The following DENND4A variants were observed in gnomAD, a reference collection of about 807,000 sequenced individuals.
DENND4A encodes the protein DENN domain containing 4A, also known as C-myc promoter-binding protein.
In DENND4A, 70 loss-of-function variants were observed where a neutral mutation model predicts 199.3. That is an observed-to-expected ratio of 0.35 (90% confidence interval 0.29 to 0.43). The LOEUF (loss-of-function observed/expected upper bound fraction) is 0.43. Among genes scored for constraint, DENND4A ranks in the 20% least tolerant of loss-of-function variants. The probability of loss-of-function intolerance (pLI) is 1.00; values close to 1 mark genes in which losing one functional copy is unlikely to be tolerated. For missense variants in DENND4A, 1,723 were observed against 2,255.8 expected, an observed-to-expected ratio of 0.76 and a Z score of 4.78; for synonymous variants, 686 against 766.9, an observed-to-expected ratio of 0.89 and a Z score of 1.74.
chr15:65,717,584 A>G (rs941101763), intron 13 of DENND4A, among the ~76,000 whole-genome samples, 194 bp downstream of exon 13: 3 of 152,140 alleles, frequency 2.0e-5, no homozygotes, highest in Non-Finnish European at 4.4e-5. Context: ...CATATCTGCT[A>G]ATGGGATTAT....
At chr15:65,784,642 G>A (rs1941304774) in intron 1 of DENND4A, among the ~76,000 whole-genome samples, 2 of 152,140 alleles carry the variant, frequency 1.3e-5, no homozygotes, top group African/African-American at 2.4e-5. Context: ...GACAAAAACA[G>A]AAATACAGGT....
At chr15:65,771,799 C>T (rs559770100) in intron 1 of DENND4A, 21 of 1,613,566 alleles carry the variant, frequency 1.3e-5, no homozygotes, top group Admixed American at 1.7e-5. Context: ...TTCTTCATTG[C>T]CCGTGAGGTC....
At chr15:65,707,709 CAG>C (rs1466410431) in intron 14 of DENND4A, among the ~76,000 whole-genome samples, 1 of 147,806 alleles carries the variant, frequency 6.8e-6, no homozygotes, top group African/African-American at 2.5e-5. Flanking sequence ...TTTTTTGAGA[CAG>C]AGTCTTGCTC....
intron 1 of DENND4A, among the ~76,000 whole-genome samples, chr15:65,768,898 A>C (rs2077053615): frequency 6.6e-6 from 1 of 151,804 alleles, no homozygotes; most frequent in Non-Finnish European, 1.5e-5. Flanking sequence ...GGTGGCTGAG[A>C]CAGGAGAATT....
chr15:65,766,066 T>C (rs1413822842), intron 1 of DENND4A, among the ~76,000 whole-genome samples: 2 of 152,098 alleles, frequency 1.3e-5, no homozygotes, highest in Non-Finnish European at 2.9e-5. Flanking sequence ...CTGGCCAACA[T>C]AGTGAAACCC....
intron 11 of DENND4A, among the ~76,000 whole-genome samples, chr15:65,723,719 C>T (rs1278974859): frequency 6.6e-6 from 1 of 151,916 alleles, no homozygotes; most frequent in African/African-American, 2.4e-5. Flanking sequence ...AGTAAGGGAT[C>T]GATAACAATA....
intron 13 of DENND4A, among the ~76,000 whole-genome samples, chr15:65,716,536 AT>A (rs936573248): frequency 1.3e-5 from 2 of 151,314 alleles, no homozygotes; most frequent in Non-Finnish European, 2.9e-5. Flanking sequence ...GAGAATGATG[AT>A]TTGCAATTTC....
chr15:65,746,244 TC>T (rs1298281802), intron 4 of DENND4A, among the ~76,000 whole-genome samples: 2 of 152,032 alleles, frequency 1.3e-5, no homozygotes, highest in Non-Finnish European at 2.9e-5. Flanking sequence ...CTTTAAACTC[TC>T]TACCAATAAG....
intron 14 of DENND4A, among the ~76,000 whole-genome samples, chr15:65,712,214 A>G (rs1252074512): frequency 6.6e-6 from 1 of 152,206 alleles, no homozygotes; most frequent in Non-Finnish European, 1.5e-5. Context: ...TCATCCCTCA[A>G]GTGTTCTAAA....
At chr15:65,730,276 A>C (rs1281621166) in intron 9 of DENND4A, among the ~76,000 whole-genome samples, 1 of 152,172 alleles carries the variant, frequency 6.6e-6, no homozygotes, top group East Asian at 1.9e-4. Flanking sequence ...ATATAGTAAC[A>C]AAATACTGAA....
At chr15:65,745,634 A>T (rs2076367542) in intron 4 of DENND4A, among the ~76,000 whole-genome samples, 1 of 152,196 alleles carries the variant, frequency 6.6e-6, no homozygotes, top group Non-Finnish European at 1.5e-5. Context: ...TCTCTATTGG[A>T]AAGTCCCAAC....
chr15:65,733,399 G>T (rs1417232112), intron 7 of DENND4A, among the ~76,000 whole-genome samples: 1 of 151,952 alleles, frequency 6.6e-6, no homozygotes, highest in Non-Finnish European at 1.5e-5. Context: ...TTTCCTAGGG[G>T]GGAATAAGCT....
chr15:65,704,095 CA>C (rs1468294277), intron 15 of DENND4A, among the ~76,000 whole-genome samples: 1 of 152,022 alleles, frequency 6.6e-6, no homozygotes, highest in Non-Finnish European at 1.5e-5. Context: ...TAGGAAACAG[CA>C]AAGAAATCCA....
intron 12 of DENND4A, among the ~76,000 whole-genome samples, chr15:65,719,533 C>A (rs1208491861): frequency 1.3e-5 from 2 of 151,866 alleles, no homozygotes; most frequent in African/African-American, 4.8e-5. Flanking sequence ...AAATAGTGTG[C>A]GATCTGATAT....
At chr15:65,756,098 T>G (rs763905043) in intron 3 of DENND4A, 42 bp downstream of exon 3, 2 of 1,481,436 alleles carry the variant, frequency 1.4e-6, no homozygotes, top group East Asian at 4.7e-5. Context: ...CAAGGCATAT[T>G]ATTTGGATCA....
chr15:65,719,367 A>G (rs2075531566), intron 12 of DENND4A: 1 of 151,196 alleles, frequency 6.6e-6, no homozygotes, highest in Non-Finnish European at 1.5e-5. Context: ...AAGAACACAC[A>G]AGGATTAAAA....
At chr15:65,754,325 A>G (rs887367184) in intron 3 of DENND4A, among the ~76,000 whole-genome samples, 1 of 152,144 alleles carries the variant, frequency 6.6e-6, no homozygotes, top group Non-Finnish European at 1.5e-5. Flanking sequence ...TTCTTAACTT[A>G]AAAAAGGCAC....
At chr15:65,699,123 G>C (rs1467798410) in intron 20 of DENND4A, among the ~76,000 whole-genome samples, 1 of 152,104 alleles carries the variant, frequency 6.6e-6, no homozygotes, top group Non-Finnish European at 1.5e-5. Context: ...TATTGTAACT[G>C]ATGAAAATCA....
intron 1 of DENND4A, among the ~76,000 whole-genome samples, chr15:65,778,669 C>T (rs993189681): frequency 2.6e-5 from 4 of 151,878 alleles, no homozygotes; most frequent in African/African-American, 4.8e-5. Context: ...GAGGATGAGG[C>T]GGGCGGATCA....
Sources: allele counts gnomAD v4.1 joint callset (sites outside exome capture counted in the v4.1 genomes callset), GRCh38; gene constraint gnomAD v4.1.1; transcripts MANE v1.5; gene names NCBI Gene and HGNC (gene_info 2026-07-23, HGNC 2026-07-21).